ANKHD1: variants seen among roughly 807,000 people sequenced by gnomAD.
ANKHD1 encodes ankyrin repeat and KH domain containing 1.
A neutral mutation model predicts 230.5 loss-of-function variants in ANKHD1; 31 were observed. The observed-to-expected ratio is 0.13, with a 90% CI of 0.10 to 0.18. The LOEUF (loss-of-function observed/expected upper bound fraction) is 0.18. Among genes scored for constraint, ANKHD1 ranks in the 10% least tolerant of loss-of-function variants. The probability of loss-of-function intolerance (pLI) is 1.00; values close to 1 mark genes in which losing one functional copy is unlikely to be tolerated. For synonymous variants in ANKHD1, 1,074 were observed against 1,117.6 expected, an observed-to-expected ratio of 0.96 and a Z score of 0.78; for missense variants, 2,256 against 3,071.3, an observed-to-expected ratio of 0.73 and a Z score of 6.27.
At chr5:140,435,524 C>CGGTG (rs1773374819) in intron 1 of ANKHD1, among the ~76,000 whole-genome samples, 1 of 151,608 alleles carries the variant, frequency 6.6e-6, no homozygotes, top group South Asian at 2.1e-4. Flanking sequence ...ATTACAGGCA[C>CGGTG]CACCTCACCA....
chr5:140,432,667 T>C (rs1261493603), intron 1 of ANKHD1, among the ~76,000 whole-genome samples: 2 of 152,200 alleles, frequency 1.3e-5, no homozygotes, highest in African/African-American at 4.8e-5. Flanking sequence ...CCACAGTGGC[T>C]ACACCACTAT....
At chr5:140,456,126 T>A (rs1008024207) in intron 7 of ANKHD1, among the ~76,000 whole-genome samples, 9 of 151,980 alleles carry the variant, frequency 5.9e-5, no homozygotes, top group African/African-American at 1.9e-4. Context: ...TCAAAGAGAA[T>A]AAAATACCTA....
chr5:140,528,523 G>A lies in ANKHD1; in HGVS notation c.5577G>A (p.Leu1859=). The A allele has an allele frequency of 1.9e-6, 3 of 1,614,062 alleles. No homozygotes were observed. The highest frequency in any genetic ancestry group is 2.5e-6 in the Non-Finnish European group (3 of 1,180,028). Residue 1859 remains leucine (L), a synonymous_variant, in exon 29 of 34, where the codon CTG becomes CTA. Transcript: ENST00000360839. Reference sequence around the variant, plus strand: ...ATCCTCACCCTCATTTTGCCCTGCTGGCTGCTCAAACTATGCAACAGATTC... The same window carrying A: ...ATCCTCACCCTCATTTTGCCCTGCTAGCTGCTCAAACTATGCAACAGATTC... ...LAYPHPHFAL[L]AAQTMQQIRH...
intron 5 of ANKHD1, among the ~76,000 whole-genome samples, chr5:140,444,799 A>T (rs538473416): frequency 3.3e-5 from 5 of 152,192 alleles, no homozygotes; most frequent in Non-Finnish European, 7.3e-5. Flanking sequence ...AAAGATCTCT[A>T]TGCCCATTTG....
At chr5:140,513,600 G>A in intron 24 of ANKHD1, 121 bp downstream of exon 24, 1 of 907,338 alleles carries the variant, frequency 1.1e-6, no homozygotes, top group Non-Finnish European at 1.6e-6. Context: ...CCTGAGGTCA[G>A]GAGTTCAAGA....
intron 24 of ANKHD1, among the ~76,000 whole-genome samples, chr5:140,514,527 C>A (rs766908248): frequency 6.6e-6 from 1 of 151,918 alleles, no homozygotes; most frequent in Non-Finnish European, 1.5e-5. Context: ...GTAAACGTGT[C>A]GCCTATATGA....
Position 140,490,065 on chromosome 5 carries a change from T to C in ANKHD1, c.2245+3005T>C, listed in dbSNP as rs187720600. ...TTATACTTAAAGCTCCTTTTTCTTCTTAAAGCTTCTCTTTTATGTCTCTGG... is the reference window on the plus strand; with the variant it reads ...TTATACTTAAAGCTCCTTTTTCTTCCTAAAGCTTCTCTTTTATGTCTCTGG... On this transcript the variant is annotated intron_variant, in intron 14 of 33. Coordinates refer to ENST00000360839, the MANE Select transcript of ANKHD1 (RefSeq NM_017747.3). 2.6e-5 allele frequency among the ~76,000 whole-genome samples: 4 copies of C among 152,348 alleles called. No homozygotes were observed. The East Asian group carries it at 7.7e-4, about 29-fold the overall frequency.
chr5:140,409,596 A>G (rs1263675470), intron 1 of ANKHD1, among the ~76,000 whole-genome samples: 1 of 149,174 alleles, frequency 6.7e-6, no homozygotes, highest in Non-Finnish European at 1.5e-5. Context: ...TCTGTCACCC[A>G]GGCTGGAGTG....
At chr5:140,515,748 A>C (rs1752973247) in intron 24 of ANKHD1, among the ~76,000 whole-genome samples, 1 of 152,216 alleles carries the variant, frequency 6.6e-6, no homozygotes, top group African/African-American at 2.4e-5. Context: ...GTCTGTTAGA[A>C]GGAAAACTAA....
intron 23 of ANKHD1, 84 bp from the exon 24 acceptor site, chr5:140,513,279 C>A: frequency 7.4e-7 from 1 of 1,352,814 alleles, no homozygotes; most frequent in Non-Finnish European, 1.0e-6. Flanking sequence ...GAACTTTAAC[C>A]TCTGGACTTT....
chr5:140,455,544 G>T (rs1282607266), intron 7 of ANKHD1, among the ~76,000 whole-genome samples: 1 of 152,182 alleles, frequency 6.6e-6, no homozygotes, highest in Non-Finnish European at 1.5e-5. Flanking sequence ...TCCCTGGGAT[G>T]CAAGGCTGGT....
At chr5:140,497,585 A>G (rs1007426622) in intron 15 of ANKHD1, among the ~76,000 whole-genome samples, 4 of 152,216 alleles carry the variant, frequency 2.6e-5, no homozygotes, top group African/African-American at 9.6e-5. Context: ...ATCTCAAAGT[A>G]GAATTTCTTT....
chr5:140,521,187 T>C (rs1753333582), intron 24 of ANKHD1, among the ~76,000 whole-genome samples: 2 of 152,158 alleles, frequency 1.3e-5, no homozygotes, highest in South Asian at 4.1e-4. Flanking sequence ...GTATGATTAT[T>C]GAGAGATGCT....
At chr5:140,466,636 A>G (rs890244378) in intron 10 of ANKHD1, among the ~76,000 whole-genome samples, 1 of 152,082 alleles carries the variant, frequency 6.6e-6, no homozygotes, top group Non-Finnish European at 1.5e-5. Context: ...CTTACTTTCA[A>G]AATGTAAGAT....
intron 1 of ANKHD1, among the ~76,000 whole-genome samples, chr5:140,417,500 G>T (rs1771490370): frequency 1.3e-5 from 2 of 151,904 alleles, no homozygotes; most frequent in South Asian, 4.1e-4. Context: ...TCAGGCTTGA[G>T]TGTAGTGGCA....
chr5:140,449,001 C>G (rs1004472186), intron 6 of ANKHD1, among the ~76,000 whole-genome samples: 1 of 152,136 alleles, frequency 6.6e-6, no homozygotes, highest in African/African-American at 2.4e-5. Context: ...TGGACTAATT[C>G]AGTCTTTAAA....
At chr5:140,505,681 T>C in intron 17 of ANKHD1, 43 bp from the exon 18 acceptor site, 1 of 1,561,392 alleles carries the variant, frequency 6.4e-7, no homozygotes. Flanking sequence ...TAAAATAAAA[T>C]AAAAAACATA....
chr5:140,451,954 A>T (rs188307789), intron 7 of ANKHD1, among the ~76,000 whole-genome samples: 2 of 152,328 alleles, frequency 1.3e-5, no homozygotes, highest in East Asian at 3.9e-4. Context: ...CTACATAAAG[A>T]GCAGTTTCCA....
intron 2 of ANKHD1, among the ~76,000 whole-genome samples, chr5:140,436,521 G>A (rs1452730412): frequency 7.2e-5 from 11 of 152,246 alleles, no homozygotes; most frequent in Middle Eastern, 6.8e-3. Context: ...TGAGGCAGGC[G>A]GATTGCCTGA....
Sources: gnomAD v4.1 joint callset for allele counts (sites outside exome capture counted in the v4.1 genomes callset) on GRCh38, gnomAD v4.1.1 for gene constraint, MANE v1.5 for transcripts, NCBI Gene and HGNC (gene_info 2026-07-23, HGNC 2026-07-21) for gene names.